NPEPPS: variants seen among roughly 807,000 people sequenced by gnomAD.
NPEPPS encodes aminopeptidase puromycin sensitive.
In NPEPPS, 14 loss-of-function variants were observed where a neutral mutation model predicts 115.5. That is an observed-to-expected ratio of 0.12 (90% CI 0.08 to 0.19). NPEPPS has a LOEUF of 0.19. Ranked by LOEUF, NPEPPS falls within the 10% of genes least tolerant of loss-of-function variation. NPEPPS has a pLI of 1.00. For missense variants in NPEPPS, 523 were observed against 1,110.8 expected, an observed-to-expected ratio of 0.47 and a Z score of 7.52; for synonymous variants, 285 against 390.6, an observed-to-expected ratio of 0.73 and a Z score of 3.19.
intron 1 of NPEPPS, among the ~76,000 whole-genome samples, chr17:47,525,580 T>G (rs1285248089): frequency 6.6e-6 from 1 of 152,184 alleles, no homozygotes; most frequent in Non-Finnish European, 1.5e-5. Flanking sequence ...CAACCTCAGG[T>G]GAGCCGCCCA....
At chr17:47,584,001 A>G (rs1912040564) in intron 5 of NPEPPS, among the ~76,000 whole-genome samples, 1 of 151,536 alleles carries the variant, frequency 6.6e-6, no homozygotes, top group African/African-American at 2.4e-5. Context: ...CAGGTGGATC[A>G]TTTGAGGCCA....
At chr17:47,601,812 T>A in intron 15 of NPEPPS, 65 bp downstream of exon 15, 1 of 1,503,730 alleles carries the variant, frequency 6.7e-7, no homozygotes, top group Non-Finnish European at 9.1e-7. Context: ...GGTTTTAAAT[T>A]CTGCTTCAGT....
intron 19 of NPEPPS, among the ~76,000 whole-genome samples, chr17:47,616,412 G>C (rs1052109067): frequency 2.6e-5 from 4 of 152,066 alleles, no homozygotes; most frequent in African/African-American, 9.7e-5. Flanking sequence ...GGCCAGGCGC[G>C]GTGGCTCACG....
chr17:47,620,377 C>T (rs528187404), intron 22 of NPEPPS, among the ~76,000 whole-genome samples: 3 of 152,206 alleles, frequency 2.0e-5, no homozygotes, highest in African/African-American at 7.2e-5. Context: ...AGCTAACTCT[C>T]CTAGCAAGAA....
intron 4 of NPEPPS, chr17:47,582,518 A>G (rs1392301971): frequency 2.0e-6 from 1 of 503,116 alleles, no homozygotes; most frequent in Non-Finnish European, 3.7e-6. Context: ...ATATATTGTT[A>G]AAATCCATAG....
At chr17:47,542,959 A>T (rs922555528) in intron 1 of NPEPPS, among the ~76,000 whole-genome samples, 13 of 151,984 alleles carry the variant, frequency 8.6e-5, no homozygotes, top group Non-Finnish European at 1.8e-4. Context: ...CAACAAGGTG[A>T]AACCCCATCT....
chr17:47,619,931 A>G (rs1471021778), intron 22 of NPEPPS, 147 bp downstream of exon 22: 4 of 634,068 alleles, frequency 6.3e-6, no homozygotes, highest in Admixed American at 2.9e-5. Flanking sequence ...TATAGGCCAT[A>G]TTAAGAATTT....
chr17:47,566,577 T>G (rs1436195682), intron 2 of NPEPPS, among the ~76,000 whole-genome samples: 1 of 149,844 alleles, frequency 6.7e-6, no homozygotes, highest in East Asian at 2.0e-4. Context: ...CTCGGCTCAC[T>G]GCAACCTCCG....
chr17:47,603,726 C>T, intron 15 of NPEPPS, 189 bp from the exon 16 acceptor site: 3 of 453,322 alleles, frequency 6.6e-6, no homozygotes, highest in South Asian at 5.7e-5. Flanking sequence ...TCAAGTTTCC[C>T]TTTTCTTTTG....
At chr17:47,556,624 G>T (rs1339373825) in intron 2 of NPEPPS, among the ~76,000 whole-genome samples, 1 of 152,144 alleles carries the variant, frequency 6.6e-6, no homozygotes, top group Non-Finnish European at 1.5e-5. Flanking sequence ...TGGCGGCCGG[G>T]CAGAGGGGCT....
At chr17:47,596,282 A>T in intron 12 of NPEPPS, 71 bp from the exon 13 acceptor site, 1 of 996,476 alleles carries the variant, frequency 1.0e-6, no homozygotes, top group Non-Finnish European at 1.5e-6. Context: ...GTCAAAAGTT[A>T]AATAAAATTT....
intron 3 of NPEPPS, among the ~76,000 whole-genome samples, chr17:47,570,944 A>T (rs1202628452): frequency 6.6e-6 from 1 of 152,178 alleles, no homozygotes; most frequent in African/African-American, 2.4e-5. Context: ...TGCTAATAGG[A>T]ATATATCCCA....
intron 1 of NPEPPS, among the ~76,000 whole-genome samples, chr17:47,543,113 T>A (rs1483453122): frequency 7.2e-6 from 1 of 139,410 alleles, no homozygotes; most frequent in Non-Finnish European, 1.5e-5. Context: ...TCATTGGCAC[T>A]CCATCCTGGG....
chr17:47,550,555 GGTTT>G (rs1220144594), intron 2 of NPEPPS, among the ~76,000 whole-genome samples: 1 of 147,092 alleles, frequency 6.8e-6, no homozygotes, highest in Admixed American at 6.8e-5. Flanking sequence ...AGAAATTAAA[GGTTT>G]GTTTCTCATC....
At chr17:47,610,365 A>T (rs903946218) in intron 17 of NPEPPS, among the ~76,000 whole-genome samples, 20 of 151,730 alleles carry the variant, frequency 1.3e-4, no homozygotes, top group Middle Eastern at 3.4e-3. Flanking sequence ...ATGTTGTAGC[A>T]TGTATCAGTC....
intron 2 of NPEPPS, among the ~76,000 whole-genome samples, chr17:47,554,886 T>A (rs968054482): frequency 1.2e-4 from 18 of 152,150 alleles, no homozygotes; most frequent in Non-Finnish European, 2.6e-4. Context: ...GAGAAAGGGA[T>A]GATTTATGTT....
chr17:47,572,957 G>A (rs1911289294), intron 3 of NPEPPS, among the ~76,000 whole-genome samples: 1 of 152,116 alleles, frequency 6.6e-6, no homozygotes, highest in African/African-American at 2.4e-5. Context: ...TGTATTTTTA[G>A]TAGAGTTGGG....
At chr17:47,551,972 T>C (rs1033594047) in intron 2 of NPEPPS, among the ~76,000 whole-genome samples, 1 of 127,000 alleles carries the variant, frequency 7.9e-6, no homozygotes, top group African/African-American at 2.7e-5. Flanking sequence ...CTTTCTTTTT[T>C]TTTTTTTTCT....
chr17:47,568,508 A>G (rs2143799092), intron 2 of NPEPPS, among the ~76,000 whole-genome samples: 1 of 152,244 alleles, frequency 6.6e-6, no homozygotes, highest in East Asian at 1.9e-4. Context: ...GGGATAGGAC[A>G]TAGTTGGAAG....
Sources: gnomAD v4.1 joint callset for allele counts (sites outside exome capture counted in the v4.1 genomes callset) on GRCh38, gnomAD v4.1.1 for gene constraint, MANE v1.5 for transcripts, NCBI Gene and HGNC (gene_info 2026-07-23, HGNC 2026-07-21) for gene names.